Variants in PTPRD observed in about 807,000 individuals in gnomAD.
PTPRD encodes the protein protein tyrosine phosphatase receptor type D, also known as receptor-type tyrosine-protein phosphatase delta.
PTPRD carries 34 observed loss-of-function variants against 214.5 expected under a neutral mutation model. The ratio of observed to expected loss-of-function variants is 0.16; its 90% CI spans 0.12 to 0.21. The LOEUF (loss-of-function observed/expected upper bound fraction) is 0.21, where lower values mean the gene tolerates loss of function less well. Ranked by LOEUF, PTPRD falls within the 10% of genes least tolerant of loss-of-function variation. The pLI is 1.00. For missense variants in PTPRD, 2,545 were observed against 2,398.7 expected (o/e 1.06, Z -1.27); for synonymous variants, 1,128 against 845.7 (o/e 1.33, Z -5.79).
intron 4 of PTPRD, among the ~76,000 whole-genome samples, chr9:9,953,723 A>G (rs2093656202): frequency 6.6e-6 from 1 of 152,106 alleles, no homozygotes; most frequent in South Asian, 2.1e-4. Context: ...TGCTGAAGCA[A>G]CCGGTTTTAA....
chr9:9,784,380 C>T (rs1223100634), intron 5 of PTPRD, among the ~76,000 whole-genome samples: 1 of 151,992 alleles, frequency 6.6e-6, no homozygotes, highest in Non-Finnish European at 1.5e-5. Context: ...CTTTTTATGG[C>T]TTATTTACAA....
At chr9:9,679,666 C>T (rs1286340144) in intron 7 of PTPRD, among the ~76,000 whole-genome samples, 2 of 151,798 alleles carry the variant, frequency 1.3e-5, no homozygotes, top group African/African-American at 2.4e-5. Context: ...TAGCTGGGTG[C>T]CCTAGATTCT....
At chr9:9,041,446 A>G (rs2099639579) in intron 10 of PTPRD, among the ~76,000 whole-genome samples, 1 of 152,064 alleles carries the variant, frequency 6.6e-6, no homozygotes, top group Non-Finnish European at 1.5e-5. Context: ...GCTCCTACTT[A>G]TAAGTAGGAA....
chr9:9,009,533 G>A (rs949182170), intron 11 of PTPRD, among the ~76,000 whole-genome samples: 1 of 151,912 alleles, frequency 6.6e-6, no homozygotes, highest in Non-Finnish European at 1.5e-5. Context: ...AACTGGAAAG[G>A]AGGAAAAGTA....
chr9:10,082,354 T>C (rs556465999), intron 3 of PTPRD, among the ~76,000 whole-genome samples: 49 of 152,246 alleles, frequency 3.2e-4, no homozygotes, highest in Non-Finnish European at 4.9e-4. Context: ...ACGGTCAAGA[T>C]GTACAGCATA....
intron 11 of PTPRD, among the ~76,000 whole-genome samples, chr9:9,017,702 C>T (rs1488451384): frequency 6.6e-6 from 1 of 151,976 alleles, no homozygotes; most frequent in African/African-American, 2.4e-5. Context: ...TCAGAAACAT[C>T]GAATAATTGC....
At chr9:9,003,724 C>G (rs1273656286) in intron 11 of PTPRD, among the ~76,000 whole-genome samples, 1 of 152,046 alleles carries the variant, frequency 6.6e-6, no homozygotes, top group African/African-American at 2.4e-5. Context: ...ATCTATTCTC[C>G]TTAATGCCCA....
chr9:10,454,040 G>C (rs922441432), intron 2 of PTPRD, among the ~76,000 whole-genome samples: 9 of 151,488 alleles, frequency 5.9e-5, no homozygotes, highest in African/African-American at 2.2e-4. Context: ...CATAATACAA[G>C]ATAGTATCCA....
intron 12 of PTPRD, among the ~76,000 whole-genome samples, chr9:8,681,774 G>A (rs1187596251): frequency 1.3e-5 from 2 of 152,114 alleles, no homozygotes; most frequent in African/African-American, 4.8e-5. Flanking sequence ...TTTCTCCACT[G>A]TCATTATTGT....
chr9:9,740,302 T>C (rs1056246704), intron 6 of PTPRD, among the ~76,000 whole-genome samples: 1 of 152,160 alleles, frequency 6.6e-6, no homozygotes, highest in Non-Finnish European at 1.5e-5. Flanking sequence ...GAAATATTCA[T>C]AGTCTTTTGT....
At chr9:10,448,587 C>CTTTACA (rs1376237677) in intron 2 of PTPRD, among the ~76,000 whole-genome samples, 1 of 152,014 alleles carries the variant, frequency 6.6e-6, no homozygotes, top group Non-Finnish European at 1.5e-5. Flanking sequence ...GTGGTTTAAA[C>CTTTACA]TTTACATGTA....
intron 11 of PTPRD, among the ~76,000 whole-genome samples, chr9:8,995,960 T>C (rs2099395033): frequency 6.6e-6 from 1 of 152,112 alleles, no homozygotes; most frequent in South Asian, 2.1e-4. Flanking sequence ...CATAAGGAGT[T>C]ACAGTTGTCA....
chr9:10,079,179 A>G (rs1237917235), intron 3 of PTPRD, among the ~76,000 whole-genome samples: 1 of 151,986 alleles, frequency 6.6e-6, no homozygotes, highest in Admixed American at 6.6e-5. Context: ...GAAGGTAAAA[A>G]TGGTACTGGC....
chr9:10,125,749 T>G (rs1360469358), intron 3 of PTPRD, among the ~76,000 whole-genome samples: 1 of 151,982 alleles, frequency 6.6e-6, no homozygotes, highest in African/African-American at 2.4e-5. Context: ...CCCAAAGTGC[T>G]GGGATTATAG....
intron 3 of PTPRD, among the ~76,000 whole-genome samples, chr9:10,309,320 C>A (rs1214143149): frequency 6.6e-6 from 1 of 151,728 alleles, no homozygotes; most frequent in Non-Finnish European, 1.5e-5. Context: ...TGAAACCCAA[C>A]TGATTTCTTT....
chr9:8,738,036 C>CG (rs1565685132), intron 11 of PTPRD, among the ~76,000 whole-genome samples: 1 of 152,000 alleles, frequency 6.6e-6, no homozygotes, highest in East Asian at 1.9e-4. Context: ...TATAACTCCC[C>CG]GGTTTCTTAT....
intron 11 of PTPRD, among the ~76,000 whole-genome samples, chr9:8,777,791 T>C (rs1040484527): frequency 2.0e-5 from 3 of 152,230 alleles, no homozygotes; most frequent in Admixed American, 6.5e-5. Context: ...ACCAAAGATA[T>C]GATCCTATGG....
chr9:10,612,570 T>C (rs747409946), intron 1 of PTPRD, 65 bp from the exon 2 acceptor site: 1 of 152,258 alleles, frequency 6.6e-6, no homozygotes, highest in African/African-American at 2.4e-5. Context: ...GGTGCTTCGA[T>C]TTCTGATTGT....
chr9:9,589,600 T>A (rs143106418), intron 7 of PTPRD, among the ~76,000 whole-genome samples: 2 of 152,062 alleles, frequency 1.3e-5, no homozygotes, highest in African/African-American at 4.8e-5. Flanking sequence ...TAGATAACTT[T>A]TGCAGTAATT....
Sources: allele counts gnomAD v4.1 joint callset (sites outside exome capture counted in the v4.1 genomes callset), GRCh38; gene constraint gnomAD v4.1.1; transcripts MANE v1.5; gene names NCBI Gene and HGNC (gene_info 2026-07-23, HGNC 2026-07-21).